VAV2: variants seen among roughly 807,000 people sequenced by gnomAD.
VAV2 encodes vav guanine nucleotide exchange factor 2.
A neutral mutation model predicts 132.5 loss-of-function variants in VAV2; 67 were observed. That is an observed-to-expected ratio of 0.51 (90% confidence interval 0.42 to 0.62). The LOEUF is 0.62. Among genes scored for constraint, VAV2 ranks in the 20% least tolerant of loss-of-function variants. VAV2 has a pLI of 0.00. For synonymous variants in VAV2, 492 were observed against 443.5 expected (o/e 1.11, Z -1.37); for missense variants, 938 against 1,153.6 (o/e 0.81, Z 2.71).
intron 1 of VAV2, among the ~76,000 whole-genome samples, chr9:133,949,821 T>A (rs995704897): frequency 6.6e-6 from 1 of 152,230 alleles, no homozygotes; most frequent in African/African-American, 2.4e-5. Flanking sequence ...GGTTGCTTTG[T>A]GGCTCAAGGC....
At chr9:133,766,285 A>G (rs922373529) in intron 29 of VAV2, among the ~76,000 whole-genome samples, 1 of 152,252 alleles carries the variant, frequency 6.6e-6, no homozygotes, top group African/African-American at 2.4e-5. Flanking sequence ...TCCCATCAAC[A>G]GTGTAAAAGT....
chr9:133,879,261 C>T lies in VAV2; in HGVS notation c.322-17829G>A, dbSNP rs1005557111. On this transcript the variant is annotated intron_variant, in intron 2 of 29. Transcript: ENST00000371850. This position sits in a 1 kb window ranked among gnomAD's most constrained non-coding sequence, Gnocchi z 4.4. ...TGCAATACACTTTGAGCAGCTGCTG[C>T]GTACCAAGCACTGTGCTAGGGTGAC... 3.9e-5 allele frequency among the ~76,000 whole-genome samples: 6 copies of T among 152,242 alleles called. No individual in the cohort carries two copies. Among genetic ancestry groups the T allele is most frequent in the Admixed American group, 2.0e-4 (3 of 15,290 alleles).
intron 29 of VAV2, among the ~76,000 whole-genome samples, chr9:133,767,690 C>G (rs1210779715): frequency 1.3e-5 from 2 of 152,178 alleles, no homozygotes; most frequent in African/African-American, 4.8e-5. Context: ...CAGAGCTGCT[C>G]CGGCCACTGG....
At chr9:133,987,897 A>C (rs1333920545) in intron 1 of VAV2, among the ~76,000 whole-genome samples, 1 of 152,256 alleles carries the variant, frequency 6.6e-6, no homozygotes, top group Non-Finnish European at 1.5e-5. Context: ...GCTTCAGAAG[A>C]AATGACCAGG....
intron 4 of VAV2, among the ~76,000 whole-genome samples, chr9:133,820,756 G>A (rs1835755810): frequency 6.6e-6 from 1 of 152,232 alleles, no homozygotes; most frequent in Non-Finnish European, 1.5e-5. Flanking sequence ...GGGAGGAAGA[G>A]GGAACCCTCA....
Position 133,788,244 on chromosome 9 carries a change from AGCAT to A in VAV2, c.1407+106_1407+109del. On this transcript the variant is annotated intron_variant, in intron 15 of 29. Coordinates refer to ENST00000371850, the MANE Select transcript of VAV2 (RefSeq NM_001134398.2). This position sits in a 1 kb window ranked among gnomAD's most constrained non-coding sequence, Gnocchi z 5.3. Reference sequence around the variant, plus strand: ...GACGCCCACCCCAACCCACCCGGCCAGCATCAGCGGCTGACTTCGAGTCCCCTTC... The same window carrying A: ...GACGCCCACCCCAACCCACCCGGCCACAGCGGCTGACTTCGAGTCCCCTTC... 2 of 408,602 alleles carry A rather than the reference AGCAT, an allele frequency of 4.9e-6. No individual in the cohort carries two copies. Among genetic ancestry groups the A allele is most frequent in the Non-Finnish European group, 9.9e-6 (2 of 201,170 alleles). 25.3% of individuals were successfully genotyped at this position (408,602 alleles called of 1,614,324 possible). A position where few individuals can be genotyped will look rare whatever the true frequency, so the allele number is the denominator to read the frequency against.
intron 3 of VAV2, among the ~76,000 whole-genome samples, chr9:133,851,821 ATGGATGGATGGATGCACAAATGGG>A (rs1396486219): frequency 6.6e-6 from 1 of 150,890 alleles, no homozygotes; most frequent in African/African-American, 2.5e-5. Flanking sequence ...GGATGGATGG[ATGGATGGATGGATGCACAAATGGG>A]TGGATGGATG....
chr9:133,914,364 C>T (rs1185986079), intron 2 of VAV2, among the ~76,000 whole-genome samples: 5 of 151,856 alleles, frequency 3.3e-5, no homozygotes, highest in Non-Finnish European at 5.9e-5. Flanking sequence ...AATGTAGACA[C>T]CCCAAATGTT....
chr9:133,819,604 C>T (rs955374574), intron 4 of VAV2, among the ~76,000 whole-genome samples: 4 of 152,146 alleles, frequency 2.6e-5, no homozygotes, highest in African/African-American at 4.8e-5. Context: ...ACTGGGGGGG[C>T]GGAATCTGGG....
chr9:133,812,103 G>A lies in VAV2; in HGVS notation c.552+11C>T, dbSNP rs1412734719. The A allele has an allele frequency of 3.7e-6, 6 of 1,613,000 alleles. No homozygotes were observed. Among genetic ancestry groups the A allele is most frequent in the Non-Finnish European group, 4.2e-6 (5 of 1,179,284 alleles). On this transcript the variant is annotated intron_variant, in intron 5 of 29. Coordinates refer to ENST00000371850, the MANE Select transcript of VAV2 (RefSeq NM_001134398.2). The stretch of plus-strand genomic sequence containing the variant: ...GGAGGGGAAGGGAGGGAGGAGCGGG[G>A]CAGGGCTCACCATGGGCTGCTGCAC...
chr9:133,932,795 G>A (rs1393989115), intron 2 of VAV2, among the ~76,000 whole-genome samples: 2 of 152,246 alleles, frequency 1.3e-5, no homozygotes, highest in African/African-American at 4.8e-5. Flanking sequence ...GAAGGCAGGT[G>A]CAGTGGACCA....
chr9:133,932,724 ACCCGCCTGCCTCCTCCAGGGC>A (rs1564476143), intron 2 of VAV2, among the ~76,000 whole-genome samples: 2 of 151,950 alleles, frequency 1.3e-5, no homozygotes, highest in East Asian at 1.9e-4. Flanking sequence ...CTTTGCTCTC[ACCCGCCTGCCTCCTCCAGGGC>A]CCGCCTGGCT....
intron 12 of VAV2, among the ~76,000 whole-genome samples, chr9:133,792,222 C>A (rs1834509934): frequency 8.8e-6 from 1 of 113,616 alleles, no homozygotes; most frequent in South Asian, 3.0e-4. Flanking sequence ...GCTGGTTGTG[C>A]TGGTTGGGGT....
At chr9:133,780,014 C>A in intron 20 of VAV2, 75 bp from the exon 21 acceptor site, 1 of 1,590,570 alleles carries the variant, frequency 6.3e-7, no homozygotes, top group South Asian at 1.1e-5. Context: ...CAACGCACCC[C>A]GCCCTCCCTG....
At position 133,817,436 on chromosome 9, in the gene VAV2, T is replaced by G. The variant is rs576248908; in HGVS notation, c.450-5220A>C. 8.3e-4 allele frequency among the ~76,000 whole-genome samples: 126 copies of G among 152,094 alleles called. 1 individual carries two copies. The highest frequency in any genetic ancestry group is 1.6e-3 in the African/African-American group (68 of 41,436). On this transcript the variant is annotated intron_variant, in intron 4 of 29. Coordinates refer to ENST00000371850, the MANE Select transcript of VAV2 (RefSeq NM_001134398.2). The stretch of plus-strand genomic sequence containing the variant: ...GGGAGGCCGAGGTGGGTGGATCACC[T>G]GAGGTCAGGAGTTCGAGGCCAGCCT...
At chr9:133,927,057 A>G (rs138203472) in intron 2 of VAV2, among the ~76,000 whole-genome samples, 212 of 152,170 alleles carry the variant, frequency 1.4e-3, no homozygotes, top group Non-Finnish European at 2.2e-3. Context: ...TCCTTGCTTT[A>G]CTCAGGCTGA....
At chr9:133,900,831 C>T (rs1352076100) in intron 2 of VAV2, among the ~76,000 whole-genome samples, 12 of 151,124 alleles carry the variant, frequency 7.9e-5, no homozygotes, top group Non-Finnish European at 1.2e-4. Context: ...CAGGGTCTTG[C>T]TCTGTCGCCC....
chr9:133,982,951 C>T (rs1027973043), intron 1 of VAV2, among the ~76,000 whole-genome samples: 8 of 152,176 alleles, frequency 5.3e-5, no homozygotes, highest in East Asian at 3.9e-4. Context: ...TGACAGAGAC[C>T]GTCTGGCTCA....
In VAV2 at chr9:133,806,102, A is replaced by G. The variant is rs1177409077; in HGVS notation, c.815T>C (p.Val272Ala). Residue 272 changes from valine (V) to alanine (A), a missense_variant, in exon 9 of 30, where the codon GTC becomes GCC. Val to Ala is a moderately conservative substitution (Grantham distance 64). Coordinates refer to ENST00000371850, the MANE Select transcript of VAV2 (RefSeq NM_001134398.2). ...VMVGGSTLAK[V>A]FLDFKERLLI... ...TCACCTTTCCTTGAAATCGAGGAAG[A>G]CCTTGGCCAGCGTGCTGCCCCCCAC... 6.2e-7 allele frequency: 1 copy of G among 1,612,824 alleles called. No homozygotes were observed. Among genetic ancestry groups the G allele is most frequent in the Non-Finnish European group, 8.5e-7 (1 of 1,179,942 alleles).
Sources: gnomAD v4.1 joint callset for allele counts (sites outside exome capture counted in the v4.1 genomes callset) on GRCh38, gnomAD v4.1.1 for gene constraint, Gnocchi (gnomAD v3.1) non-coding constraint, MANE v1.5 for transcripts, NCBI Gene and HGNC (gene_info 2026-07-23, HGNC 2026-07-21) for gene names.